The following ERBB4 variants were observed in gnomAD, a reference collection of about 807,000 sequenced individuals.
ERBB4 encodes receptor tyrosine-protein kinase erbB-4.
In ERBB4, 42 loss-of-function variants were observed where a neutral mutation model predicts 158.0. The observed-to-expected ratio is 0.27, with a 90% CI of 0.21 to 0.34. The LOEUF (loss-of-function observed/expected upper bound fraction) is 0.34, where lower values mean the gene tolerates loss of function less well. Ranked by LOEUF, ERBB4 falls within the 10% of genes least tolerant of loss-of-function variation. The pLI is 1.00. For synonymous variants in ERBB4, 583 were observed against 558.7 expected, an observed-to-expected ratio of 1.04 and a Z score of -0.61; for missense variants, 1,333 against 1,624.1, an observed-to-expected ratio of 0.82 and a Z score of 3.08.
chr2:212,439,908 A>G (rs1006245871), intron 1 of ERBB4, among the ~76,000 whole-genome samples: 3 of 152,194 alleles, frequency 2.0e-5, no homozygotes, highest in African/African-American at 7.2e-5. Context: ...GTATAGTAGC[A>G]TGGTAAATCA....
At chr2:211,584,323 T>A (rs544758560) in intron 19 of ERBB4, among the ~76,000 whole-genome samples, 1 of 152,168 alleles carries the variant, frequency 6.6e-6, no homozygotes, top group Non-Finnish European at 1.5e-5. Context: ...TAATATTTGA[T>A]GTTATGGATA....
chr2:211,467,755 TAA>T (rs2064730423), intron 20 of ERBB4, among the ~76,000 whole-genome samples: 1 of 152,114 alleles, frequency 6.6e-6, no homozygotes, highest in Non-Finnish European at 1.5e-5. Context: ...GGAAAGAAGC[TAA>T]ATTCCTTGTG....
chr2:212,352,934 AT>A lies in ERBB4; in HGVS notation c.82+185514del, dbSNP rs1275747712. Reference sequence around the variant, plus strand: ...TATAATTTACTTTAACAGTAGCACAATTTTTTTTCATGGGCAAATTAAATCA... The same window carrying A: ...TATAATTTACTTTAACAGTAGCACAATTTTTTTCATGGGCAAATTAAATCA... On this transcript the variant is annotated intron_variant, in intron 1 of 27. Transcript: ENST00000342788. Among the ~76,000 whole-genome samples, 7 of 152,040 alleles carry A rather than the reference AT, an allele frequency of 4.6e-5. No individual in the cohort carries two copies. The East Asian group carries it at 5.8e-4, about 13-fold the overall frequency.
Position 212,393,584 on chromosome 2 carries a change from T to C in ERBB4, c.82+144865A>G, listed in dbSNP as rs2090941902. Reference sequence around the variant, plus strand: ...CAATAATCTTTGTGAGAATAGGGTATGTGGATGTTCTTGTCTCTATGATAC... The same window carrying C: ...CAATAATCTTTGTGAGAATAGGGTACGTGGATGTTCTTGTCTCTATGATAC... On this transcript the variant is annotated intron_variant, in intron 1 of 27. Transcript: ENST00000342788. 2.0e-5 allele frequency among the ~76,000 whole-genome samples: 3 copies of C among 152,102 alleles called. 1 individual carries two copies. Among genetic ancestry groups the C allele is most frequent in the Admixed American group, 2.0e-4 (3 of 15,230 alleles).
chr2:211,878,315 T>A (rs1033938984), intron 3 of ERBB4, among the ~76,000 whole-genome samples: 14 of 152,116 alleles, frequency 9.2e-5, no homozygotes, highest in East Asian at 7.7e-4. Context: ...AGAAAAAAAA[T>A]TTAAATAACA....
At chr2:211,396,491 C>G (rs1437250070) in intron 25 of ERBB4, among the ~76,000 whole-genome samples, 1 of 152,096 alleles carries the variant, frequency 6.6e-6, no homozygotes, top group Non-Finnish European at 1.5e-5. Context: ...TCAATCTTCT[C>G]TTTAGTAATA....
At position 211,381,649 on chromosome 2, in the gene ERBB4, A is replaced by T. The variant is rs2062575611; in HGVS notation, c.*1966T>A. On this transcript the variant is annotated 3_prime_UTR_variant, in exon 28 of 28. Transcript: ENST00000342788. ...AAAACATGGTGCTTTTAGTAGACAC[A>T]GTTAGATAAAGGAGGTTTGGATGGA... 1 of 231,578 alleles carries T rather than the reference A, an allele frequency of 4.3e-6. No homozygotes were observed. The highest frequency in any genetic ancestry group is 1.8e-4 in the South Asian group (1 of 5,514). 14.3% of individuals were successfully genotyped at this position (231,578 alleles called of 1,614,324 possible).
At chr2:211,534,134 T>C (rs190458210) in intron 20 of ERBB4, among the ~76,000 whole-genome samples, 12 of 152,240 alleles carry the variant, frequency 7.9e-5, no homozygotes, top group Non-Finnish European at 1.3e-4. Flanking sequence ...AGGAATCCGT[T>C]GCTATCAGTT....
chr2:212,513,462 G>A (rs1410473348), intron 1 of ERBB4, among the ~76,000 whole-genome samples: 1 of 152,120 alleles, frequency 6.6e-6, no homozygotes. Context: ...GAACAGCCCT[G>A]AGAAGTAAAA....
chr2:211,517,028 A>G (rs1287531637), intron 20 of ERBB4, among the ~76,000 whole-genome samples: 1 of 152,176 alleles, frequency 6.6e-6, no homozygotes, highest in Admixed American at 6.5e-5. Context: ...CCTACAGTGG[A>G]AAAAGCTATT....
At chr2:211,716,432 T>C (rs2073908338) in intron 7 of ERBB4, among the ~76,000 whole-genome samples, 1 of 144,930 alleles carries the variant, frequency 6.9e-6, no homozygotes, top group Non-Finnish European at 1.5e-5. Context: ...ATCCCAGCAC[T>C]TTGGGAGGCC....
At chr2:212,207,934 A>G (rs1218942678) in intron 1 of ERBB4, among the ~76,000 whole-genome samples, 1 of 152,072 alleles carries the variant, frequency 6.6e-6, no homozygotes. Flanking sequence ...AATTTGTATT[A>G]AATTCAATAA....
chr2:211,532,511 T>C (rs182260007), intron 20 of ERBB4, among the ~76,000 whole-genome samples: 107 of 152,122 alleles, frequency 7.0e-4, no homozygotes, highest in Admixed American at 1.2e-3. Context: ...TTGAAAAATA[T>C]ATATAGCAGT....
intron 1 of ERBB4, among the ~76,000 whole-genome samples, chr2:212,247,233 C>G (rs16848056): frequency 0.013 from 1,929 of 152,180 alleles, 30 homozygotes; most frequent in African/African-American, 0.044. Flanking sequence ...TTTACCACAA[C>G]CTATGATTGG....
intron 19 of ERBB4, among the ~76,000 whole-genome samples, chr2:211,580,844 T>TATAATA (rs1232460302): frequency 3.4e-5 from 2 of 58,712 alleles, no homozygotes; most frequent in Non-Finnish European, 7.9e-5. Flanking sequence ...AGATTATATA[T>TATAATA]TATATATATA....
At chr2:211,797,510 G>T (rs972336591) in intron 3 of ERBB4, among the ~76,000 whole-genome samples, 5 of 151,756 alleles carry the variant, frequency 3.3e-5, no homozygotes, top group African/African-American at 1.2e-4. Flanking sequence ...TATGTTTGTT[G>T]CTGGCATGTT....
rs539132705 is a variant in ERBB4 at position 211,929,017 on chromosome 2, T to C, written c.421+18413A>G. 2.6e-5 allele frequency among the ~76,000 whole-genome samples: 4 copies of C among 152,206 alleles called. No homozygotes were observed. In the South Asian group the frequency reaches 8.3e-4, roughly 32 times the overall value. On this transcript the variant is annotated intron_variant, in intron 3 of 27. Coordinates refer to ENST00000342788, the MANE Select transcript of ERBB4 (RefSeq NM_005235.3). ...TATGTCTCCTAATAGTTTTAAATAATTAAATACACACAGCCATACCAATAA... is the reference window on the plus strand; with the variant it reads ...TATGTCTCCTAATAGTTTTAAATAACTAAATACACACAGCCATACCAATAA...
At chr2:211,905,100 T>G (rs1438509821) in intron 3 of ERBB4, among the ~76,000 whole-genome samples, 1 of 152,130 alleles carries the variant, frequency 6.6e-6, no homozygotes, top group African/African-American at 2.4e-5. Flanking sequence ...TTCATTGCCT[T>G]ACAATTCTGG....
rs370595284 is a variant in ERBB4 at position 211,977,531 on chromosome 2, T to TAAAAAAAAAAAAAAA, written c.235-29930_235-29916dup. 1.5e-4 allele frequency among the ~76,000 whole-genome samples: 10 copies of TAAAAAAAAAAAAAAA among 67,614 alleles called. 1 individual carries two copies. Among genetic ancestry groups the TAAAAAAAAAAAAAAA allele is most frequent in the Non-Finnish European group, 2.5e-4 (9 of 36,428 alleles). 44.4% of individuals were successfully genotyped at this position (67,614 alleles called of 152,430 possible). On this transcript the variant is annotated intron_variant, in intron 2 of 27. Transcript: ENST00000342788. ...CCTTACTTTGTTAAGATATTGACTT[T>TAAAAAAAAAAAAAAA]AAAAAAAAAAAAAAAAAGTAACTTG...
Sources: allele counts gnomAD v4.1 joint callset (sites outside exome capture counted in the v4.1 genomes callset), GRCh38; gene constraint gnomAD v4.1.1; transcripts MANE v1.5; gene names NCBI Gene and HGNC (gene_info 2026-07-23, HGNC 2026-07-21).